The following WDR86 variants were observed in gnomAD, a reference collection of about 807,000 sequenced individuals.
WDR86 encodes WD repeat-containing protein 86.
In WDR86, 30 loss-of-function variants were observed where a neutral mutation model predicts 36.5. The observed-to-expected ratio is 0.82, with a 90% CI of 0.61 to 1.11. The LOEUF is 1.11. Among genes scored for constraint, WDR86 ranks in the 50% most tolerant of loss-of-function variants. The pLI is 0.00. For missense variants in WDR86, 545 were observed against 561.2 expected (o/e 0.97, Z 0.29); for synonymous variants, 255 against 252.9 (o/e 1.01, Z -0.08).
intron 3 of WDR86, among the ~76,000 whole-genome samples, chr7:151,395,170 C>T (rs777554270): frequency 6.6e-6 from 1 of 152,212 alleles, no homozygotes; most frequent in African/African-American, 2.4e-5. Context: ...TCCCAGTCCC[C>T]AACCCATGAG....
chr7:151,375,987 TG>T, exon 2 of WDR86: 3 of 1,191,920 alleles, frequency 2.5e-6, no homozygotes, highest in Non-Finnish European at 3.8e-6. Flanking sequence ...CAGCCTCGGG[TG>T]GGGTTGCTTG....
chr7:151,376,032 G>A, exon 2 of WDR86: 2 of 830,184 alleles, frequency 2.4e-6, no homozygotes, highest in Admixed American at 3.5e-5. Flanking sequence ...GCAGGACTGG[G>A]GGAGTCCGTG....
At chr7:151,372,011 A>C (rs1349232283), downstream of WDR86, among the ~76,000 whole-genome samples, 1 of 152,210 alleles carries the variant, frequency 6.6e-6, no homozygotes, top group Non-Finnish European at 1.5e-5. Flanking sequence ...CCCAGCCTTT[A>C]ATACATAATT....
chr7:151,402,089 A>ATATATATATATC (rs1213348920), intron 1 of WDR86, among the ~76,000 whole-genome samples: 5 of 124,316 alleles, frequency 4.0e-5, no homozygotes, highest in Non-Finnish European at 8.3e-5. Context: ...ATATATATAT[A>ATATATATATATC]TATCTCCACA....
At chr7:151,370,946 T>C (rs1005090592), downstream of WDR86, among the ~76,000 whole-genome samples, 1 of 152,180 alleles carries the variant, frequency 6.6e-6, no homozygotes, top group Non-Finnish European at 1.5e-5. Flanking sequence ...ACTCATGTCA[T>C]TCACTTCTGC....
At chr7:151,371,858 C>G (rs1371527037), downstream of WDR86, among the ~76,000 whole-genome samples, 2 of 152,120 alleles carry the variant, frequency 1.3e-5, no homozygotes, top group East Asian at 3.8e-4. Context: ...ATCCTCCTGC[C>G]AAGAGCTCTC....
intron 1 of WDR86, among the ~76,000 whole-genome samples, chr7:151,408,345 C>T (rs1449625269): frequency 3.3e-5 from 5 of 151,784 alleles, no homozygotes; most frequent in African/African-American, 4.8e-5. Context: ...TACAGGCGCC[C>T]GCCACCACGC....
rs377654924 is a variant in WDR86, at chr7:151,400,183, G to A, written c.222C>T (p.Ser74=). 327 of 1,611,594 alleles carry A rather than the reference G, an allele frequency of 2.0e-4. 1 individual carries two copies. The East Asian group carries it at 2.5e-3, about 12-fold the overall frequency. Reference sequence around the variant, plus strand: ...CCCACCTCCTGATGGTGCAGTCGGCGCTGCATGTGAAGGCAGCCTCATCCT... The same window carrying A: ...CCCACCTCCTGATGGTGCAGTCGGCACTGCATGTGAAGGCAGCCTCATCCT... ...QLEDEAAFTC[S]ADCTIRRWDV... Residue 74 remains serine (S), a synonymous_variant, in exon 2 of 6, where the codon AGC becomes AGT. Coordinates refer to ENST00000334493, the MANE Select transcript of WDR86 (RefSeq NM_198285.3).
exon 2 of WDR86, chr7:151,375,910 T>A: frequency 6.2e-7 from 1 of 1,613,012 alleles, no homozygotes; most frequent in Non-Finnish European, 8.5e-7. Flanking sequence ...CCGACAACCG[T>A]CAAGAAAGTC....
At chr7:151,383,178 T>TG (rs61487114) in intron 4 of WDR86, among the ~76,000 whole-genome samples, 7,355 of 58,298 alleles carry the variant, frequency 0.13, 188 homozygotes, top group South Asian at 0.2. Context: ...GGCGGCGGGG[T>TG]GGGGGGGGGG....
At chr7:151,376,564 T>TC, downstream of WDR86, 1 of 1,432,638 alleles carries the variant, frequency 7.0e-7, no homozygotes, top group Non-Finnish European at 9.4e-7. Flanking sequence ...GGCTGTCCAC[T>TC]CGTATGGCTG....
In WDR86 at chr7:151,409,760, G is replaced by A; in HGVS notation, c.-171C>T. On this transcript the variant is annotated 5_prime_UTR_variant, in exon 1 of 6. Transcript: ENST00000334493. The surrounding 1 kb of genome is among the most constrained non-coding windows in gnomAD (Gnocchi z 5.2). ...GGAGGGTGAAGGACCCTAGCTCCCCGCTGCCTCCAGCCTCTGGGCCCGCGA... is the reference window on the plus strand; with the variant it reads ...GGAGGGTGAAGGACCCTAGCTCCCCACTGCCTCCAGCCTCTGGGCCCGCGA... 1 of 1,280,450 alleles carries A rather than the reference G, an allele frequency of 7.8e-7. No individual in the cohort carries two copies. The highest frequency in any genetic ancestry group is 9.8e-7 in the Non-Finnish European group (1 of 1,017,692). 79.3% of individuals were successfully genotyped at this position (1,280,450 alleles called of 1,614,324 possible). A position where few individuals can be genotyped will look rare whatever the true frequency, so the allele number is the denominator to read the frequency against.
downstream of WDR86, among the ~76,000 whole-genome samples, chr7:151,380,740 G>A (rs975603734): frequency 6.6e-6 from 1 of 152,060 alleles, no homozygotes; most frequent in African/African-American, 2.4e-5. Context: ...ACCAGGCGCT[G>A]CCCTGGCTCC....
rs73727166 is a variant in WDR86, at chr7:151,393,253, C to T, written c.726+2523G>A. Among the ~76,000 whole-genome samples, 809 of 152,262 alleles carry T rather than the reference C, an allele frequency of 5.3e-3. 4 individuals carry two copies. Among genetic ancestry groups the T allele is most frequent in the African/African-American group, 0.018 (758 of 41,534 alleles). The stretch of plus-strand genomic sequence containing the variant: ...CCTGTGGGGTGTGCGTTCACACGCG[C>T]GTATCATGCATGTGCATGTGGAGTG... On this transcript the variant is annotated intron_variant, in intron 3 of 5. Coordinates refer to ENST00000334493, the MANE Select transcript of WDR86 (RefSeq NM_198285.3).
intron 3 of WDR86, among the ~76,000 whole-genome samples, chr7:151,395,279 G>A (rs899496792): frequency 3.3e-5 from 5 of 152,222 alleles, no homozygotes; most frequent in African/African-American, 9.6e-5. Flanking sequence ...GGCAGGCTCC[G>A]CCCCAGCTCT....
chr7:151,371,455 G>A (rs1365296552), downstream of WDR86, among the ~76,000 whole-genome samples: 1 of 145,934 alleles, frequency 6.9e-6, no homozygotes, highest in East Asian at 2.1e-4. Context: ...AGCTTCTTGT[G>A]ATTGGGCAGC....
chr7:151,376,432 C>T (rs932486865), downstream of WDR86: 17 of 566,784 alleles, frequency 3.0e-5, no homozygotes, highest in African/African-American at 1.5e-4. Context: ...TGCTCCCTGA[C>T]GCACCCGACT....
intron 1 of WDR86, among the ~76,000 whole-genome samples, chr7:151,402,191 G>A (rs76540200): frequency 0.12 from 18,570 of 150,026 alleles, 1,234 homozygotes; most frequent in African/African-American, 0.16. Flanking sequence ...GGCCACGAGC[G>A]CAGGAATGCC....
chr7:151,407,919 G>A (rs960618505), intron 1 of WDR86, among the ~76,000 whole-genome samples: 6 of 152,174 alleles, frequency 3.9e-5, no homozygotes, highest in Admixed American at 1.3e-4. Context: ...CCAGGCCTGG[G>A]GATCTGCATT....
Sources: gnomAD v4.1 joint callset for allele counts (sites outside exome capture counted in the v4.1 genomes callset) on GRCh38, gnomAD v4.1.1 for gene constraint, Gnocchi (gnomAD v3.1) non-coding constraint, MANE v1.5 for transcripts, NCBI Gene and HGNC (gene_info 2026-07-23, HGNC 2026-07-21) for gene names.